The following CASK variants were observed in gnomAD, a reference collection of about 807,000 sequenced individuals.
The protein encoded by CASK is peripheral plasma membrane protein CASK.
In CASK, 4 loss-of-function variants were observed where a neutral mutation model predicts 82.9. That is an observed-to-expected ratio of 0.05 (90% CI 0.02 to 0.11). CASK has a LOEUF of 0.11. Among genes scored for constraint, CASK ranks in the 10% least tolerant of loss-of-function variants. The pLI is 1.00. For missense variants in CASK, 358 were observed against 720.9 expected, an observed-to-expected ratio of 0.50 and a Z score of 5.76; for synonymous variants, 259 against 253.5, an observed-to-expected ratio of 1.02 and a Z score of -0.20.
chrX:41,651,781 T>C (rs945342297), intron 8 of CASK, among the ~76,000 whole-genome samples: 1 of 112,131 alleles, frequency 8.9e-6, no homozygotes, highest in Admixed American at 9.5e-5. Flanking sequence ...CATTCATTCA[T>C]TGATTAAATC....
At chrX:41,810,058 G>A (rs779850354) in intron 2 of CASK, among the ~76,000 whole-genome samples, 14 of 111,925 alleles carry the variant, frequency 1.3e-4, no homozygotes, top group African/African-American at 2.9e-4. Flanking sequence ...AAAAAGAAAC[G>A]AACAAAGCCT....
intron 18 of CASK, 119 bp from the exon 19 acceptor site, chrX:41,557,219 G>A (rs1034662849): frequency 1.6e-6 from 1 of 611,968 alleles, no homozygotes; most frequent in African/African-American, 2.2e-5. Context: ...GAGCTGTATA[G>A]GTGCCATACT....
intron 11 of CASK, among the ~76,000 whole-genome samples, chrX:41,610,958 G>A (rs917316973): frequency 5.3e-5 from 6 of 112,345 alleles, no homozygotes; most frequent in Non-Finnish European, 1.1e-4. Context: ...CTAAGAATAA[G>A]TGTCTCATTG....
intron 2 of CASK, among the ~76,000 whole-genome samples, chrX:41,850,242 C>A (rs1344137363): frequency 8.9e-6 from 1 of 112,049 alleles, no homozygotes. Context: ...CTAATAAAAA[C>A]CATGTTATAA....
At chrX:41,790,543 C>T (rs982855052) in intron 2 of CASK, among the ~76,000 whole-genome samples, 1 of 111,682 alleles carries the variant, frequency 9.0e-6, no homozygotes, top group African/African-American at 3.3e-5. Flanking sequence ...TTATCACCTA[C>T]CCACTCTCAA....
At chrX:41,792,787 C>T (rs1049701002) in intron 2 of CASK, among the ~76,000 whole-genome samples, 6 of 111,352 alleles carry the variant, frequency 5.4e-5, no homozygotes, top group African/African-American at 1.6e-4. Flanking sequence ...AAATAAGTTA[C>T]TTTTTTTGTA....
chrX:41,668,104 T>G (rs774826896), intron 6 of CASK, among the ~76,000 whole-genome samples: 1 of 111,925 alleles, frequency 8.9e-6, no homozygotes, highest in Admixed American at 9.6e-5. Context: ...ATTTCCTAAG[T>G]GCTTGCTAGG....
chrX:41,815,951 C>G (rs926952361), intron 2 of CASK, among the ~76,000 whole-genome samples: 1 of 110,901 alleles, frequency 9.0e-6, no homozygotes, highest in African/African-American at 3.3e-5. Flanking sequence ...ACCTCCGCCT[C>G]CCACACTCAA....
intron 15 of CASK, among the ~76,000 whole-genome samples, chrX:41,572,259 T>C (rs2065423046): frequency 9.1e-6 from 1 of 110,436 alleles, no homozygotes; most frequent in Non-Finnish European, 1.9e-5. Context: ...TTCTACCTTT[T>C]TACTTTGAAA....
chrX:41,683,853 C>A (rs1463523690), intron 5 of CASK, among the ~76,000 whole-genome samples: 1 of 111,716 alleles, frequency 9.0e-6, no homozygotes, highest in African/African-American at 3.3e-5. Flanking sequence ...AATAGTAATA[C>A]CTACATTATC....
At chrX:41,524,107 T>C (rs1206460185) in intron 25 of CASK, 73 bp from the exon 26 acceptor site, 7 of 785,683 alleles carry the variant, frequency 8.9e-6, no homozygotes, top group Non-Finnish European at 1.3e-5. Flanking sequence ...AATGAGTCTA[T>C]AAAAATTTTT....
chrX:41,735,322 A>G (rs1463398653), intron 5 of CASK, among the ~76,000 whole-genome samples: 1 of 112,009 alleles, frequency 8.9e-6, no homozygotes, highest in Admixed American at 9.5e-5. Context: ...CACTGAATAT[A>G]TATCTGAATG....
chrX:41,543,484 T>A (rs1255646036), intron 21 of CASK, among the ~76,000 whole-genome samples: 2 of 112,059 alleles, frequency 1.8e-5, no homozygotes, highest in African/African-American at 6.5e-5. Context: ...TACTGCTACA[T>A]GGAGATTCTA....
intron 5 of CASK, chrX:41,726,792 C>T (rs2147676180): frequency 3.8e-6 from 1 of 264,554 alleles, no homozygotes; most frequent in South Asian, 2.3e-4. Context: ...TTATCCATCA[C>T]AATAAGTAAC....
At chrX:41,616,086 G>T (rs1167231208) in intron 11 of CASK, among the ~76,000 whole-genome samples, 1 of 112,149 alleles carries the variant, frequency 8.9e-6, no homozygotes, top group Non-Finnish European at 1.9e-5. Context: ...TGTATCATTT[G>T]TTGGTCTGTG....
chrX:41,922,361 A>G (rs988896849), intron 1 of CASK, among the ~76,000 whole-genome samples: 3 of 111,518 alleles, frequency 2.7e-5, no homozygotes, highest in African/African-American at 9.8e-5. Context: ...CAAGGCATTA[A>G]AAATTCGAAT....
At chrX:41,814,099 G>A (rs1452486473) in intron 2 of CASK, among the ~76,000 whole-genome samples, 1 of 112,116 alleles carries the variant, frequency 8.9e-6, no homozygotes, top group Non-Finnish European at 1.9e-5. Context: ...AACAACAGGT[G>A]CTGGAGAGGA....
At chrX:41,592,673 T>C (rs1429126759) in intron 12 of CASK, among the ~76,000 whole-genome samples, 3 of 111,429 alleles carry the variant, frequency 2.7e-5, no homozygotes, top group Non-Finnish European at 5.6e-5. Context: ...CCTTAGGTAT[T>C]TGAAAATCTT....
intron 15 of CASK, among the ~76,000 whole-genome samples, chrX:41,576,570 T>C (rs1232082010): frequency 8.9e-6 from 1 of 112,163 alleles, no homozygotes; most frequent in African/African-American, 3.2e-5. Flanking sequence ...AGGGGCAGTG[T>C]CTTATCTGAC....
Sources: allele counts gnomAD v4.1 joint callset (sites outside exome capture counted in the v4.1 genomes callset), GRCh38; gene constraint gnomAD v4.1.1; transcripts MANE v1.5; gene names NCBI Gene and HGNC (gene_info 2026-07-23, HGNC 2026-07-21).